Variants in HOOK2 observed in about 807,000 individuals in gnomAD.
HOOK2 encodes the protein protein Hook homolog 2.
Under a neutral mutation model 111.9 loss-of-function variants are expected in HOOK2, and 108 were observed. That is an observed-to-expected ratio of 0.96 (90% CI 0.83 to 1.13). The LOEUF (loss-of-function observed/expected upper bound fraction) is 1.13. HOOK2 is among the 50% of genes most tolerant of loss of function. The pLI is 0.00. For synonymous variants in HOOK2, 405 were observed against 394.3 expected, an observed-to-expected ratio of 1.03 and a Z score of -0.32; for missense variants, 978 against 951.3, an observed-to-expected ratio of 1.03 and a Z score of -0.37.
In HOOK2 at chr19:12,772,234, G is replaced by T; in HGVS notation, c.475C>A (p.Pro159Thr). 2 of 1,614,112 alleles carry T rather than the reference G, an allele frequency of 1.2e-6. No homozygotes were observed. The highest frequency in any genetic ancestry group is 1.7e-6 in the Non-Finnish European group (2 of 1,179,952). The change falls in exon 7 of 23, where the codon CCT becomes ACT. Residue 159 changes from proline to threonine, a missense_variant. By Grantham distance (38) the Pro-to-Thr change is conservative. Around this residue, in one of 5 missense-constraint regions of HOOK2, gnomAD observed 301 missense variants for 286.1 expected, o/e 1.05. Transcript: ENST00000397668. ...TACGTCTCTGGTGACAGGGAGTCAG[G>T]AGTGTCTTTGGTCATGAGCTGAGGA... The part of the protein sequence containing the change: ...AIQELMTKDT[P>T]DSLSPETYGN...
chr19:12,769,805 G>T, intron 11 of HOOK2, 76 bp downstream of exon 11: 2 of 1,205,074 alleles, frequency 1.7e-6, no homozygotes, highest in South Asian at 1.8e-5. Flanking sequence ...GATCAGGGGT[G>T]GGCGGAGGGC....
At chr19:12,792,219 A>C in intron 3 of HOOK2, 1 of 1,545,014 alleles carries the variant, frequency 6.5e-7, no homozygotes, top group Non-Finnish European at 8.8e-7. Flanking sequence ...GCACAAGATG[A>C]ACCACGTGAC....
chr19:12,764,800 C>T lies in HOOK2; in HGVS notation c.1827+14G>A. ...CCAGGGCAGGCAACTTGTGGGAACA[C>T]CCAGCGTCCTCACCATGCGGGCCTT... On this transcript the variant is annotated intron_variant, in intron 20 of 22. Transcript: ENST00000397668. 3 of 1,609,000 alleles carry T rather than the reference C, an allele frequency of 1.9e-6. No homozygotes were observed. In the South Asian group the frequency reaches 3.3e-5, roughly 18 times the overall value.
chr19:12,767,818 G>A lies in HOOK2; in HGVS notation c.1301C>T (p.Ala434Val). ...AQLQPRGLTQADPSLDPTSTP... is the reference protein window; with the variant it reads ...AQLQPRGLTQVDPSLDPTSTP... ...CCCGGGATGGGGCTTCATCTCACCG[G>A]CCTGGGTCAACCCCCGCGGCTGCAG... is the stretch of plus-strand genomic sequence containing the variant. The change falls in exon 13 of 23, where the codon GCC becomes GTC. Residue 434 changes from alanine to valine, a missense_variant and splice_region_variant. Ala to Val is a moderately conservative substitution (Grantham distance 64). Coordinates refer to ENST00000397668, the MANE Select transcript of HOOK2 (RefSeq NM_013312.3). 1 of 1,601,648 alleles carries A rather than the reference G, an allele frequency of 6.2e-7. No homozygotes were observed. The highest frequency in any genetic ancestry group is 1.3e-5 in the African/African-American group (1 of 74,978).
chr19:12,775,873 C>CTTTTTTTTT (rs775787302), upstream of HOOK2, among the ~76,000 whole-genome samples: 96 of 103,828 alleles, frequency 9.2e-4, 6 homozygotes, highest in African/African-American at 3.9e-3. Flanking sequence ...TAAGTAAATT[C>CTTTTTTTTT]TTTTTTTTTT....
intron 3 of HOOK2, 190 bp from the exon 4 acceptor site, chr19:12,773,234 T>A: frequency 1.5e-4 from 24 of 158,112 alleles, no homozygotes; most frequent in East Asian, 2.4e-4. Context: ...TTTGTTTCTT[T>A]TTTTTTTTTT....
Position 12,767,837 on chromosome 19 carries a change from G to A in HOOK2, c.1282C>T (p.Pro428Ser). Residue 428 changes from proline to serine, a missense_variant, in exon 13 of 23, where the codon CCG (proline) becomes TCG (serine). Pro to Ser is a moderately conservative substitution (Grantham distance 74, BLOSUM62 -1). Around this residue, in one of 5 missense-constraint regions of HOOK2, gnomAD observed 388 missense variants for 358.3 expected, o/e 1.08. Transcript: ENST00000397668. ...NEELRCAQLQ[P>S]RGLTQADPSL... Reference sequence around the variant, plus strand: ...TCACCGGCCTGGGTCAACCCCCGCGGCTGCAGCTGGGCGCAGCGCAGCTCC... The same window carrying A: ...TCACCGGCCTGGGTCAACCCCCGCGACTGCAGCTGGGCGCAGCGCAGCTCC... 3 of 1,604,142 alleles carry A rather than the reference G, an allele frequency of 1.9e-6. No homozygotes were observed. Among genetic ancestry groups the A allele is most frequent in the Non-Finnish European group, 2.5e-6 (3 of 1,179,874 alleles).
chr19:12,780,135 G>A (rs1968584627), upstream of HOOK2, among the ~76,000 whole-genome samples: 1 of 152,050 alleles, frequency 6.6e-6, no homozygotes, highest in Admixed American at 6.6e-5. Flanking sequence ...AGGTAACAAA[G>A]CAAGACTCCA....
At position 12,786,714 on chromosome 19, in the gene HOOK2, C is replaced by G. The variant is rs1001920485; in HGVS notation, n.42-12489G>C. Reference sequence around the variant, plus strand: ...GGCAGAGGCCTGGAACCGGCTGTACCAGCTTGGCTGGGCCCCCGCCCTCCC... The same window carrying G: ...GGCAGAGGCCTGGAACCGGCTGTACGAGCTTGGCTGGGCCCCCGCCCTCCC... On this transcript the variant is annotated intron_variant and non_coding_transcript_variant, in intron 3 of 3. Transcript: ENST00000589765. The surrounding 1 kb of genome is among the most constrained non-coding windows in gnomAD (Gnocchi z 4.3). Among the ~76,000 whole-genome samples, 1 of 152,212 alleles carries G rather than the reference C, an allele frequency of 6.6e-6. No homozygotes were observed. The highest frequency in any genetic ancestry group is 1.5e-5 in the Non-Finnish European group (1 of 68,026).
chr19:12,776,455 G>A (rs1968513527), upstream of HOOK2, among the ~76,000 whole-genome samples: 2 of 151,756 alleles, frequency 1.3e-5, no homozygotes, highest in Non-Finnish European at 2.9e-5. Context: ...GCCGAGGCGG[G>A]CGGATCACGA....
intron 3 of HOOK2, chr19:12,792,305 A>C (rs753128221): frequency 6.7e-7 from 1 of 1,501,890 alleles, no homozygotes; most frequent in Admixed American, 2.4e-5. Context: ...GCCCGGAGCC[A>C]CCTCCCGTTT....
chr19:12,775,905 G>T (rs1347438448), upstream of HOOK2, among the ~76,000 whole-genome samples: 4 of 123,076 alleles, frequency 3.3e-5, no homozygotes, highest in African/African-American at 1.2e-4. Flanking sequence ...TTGAGACGGA[G>T]TCTCGCTGTC....
chr19:12,764,730 G>A (rs1488644235), intron 20 of HOOK2, 84 bp downstream of exon 20: 5 of 1,133,944 alleles, frequency 4.4e-6, no homozygotes, highest in Admixed American at 3.6e-5. Context: ...GCACAGATGT[G>A]CAAGCAGGAG....
chr19:12,772,375 A>C (rs1275161142), intron 6 of HOOK2, 123 bp from the exon 7 acceptor site: 24 of 1,178,222 alleles, frequency 2.0e-5, no homozygotes, highest in Non-Finnish European at 3.0e-5. Context: ...CAATAACCCC[A>C]GCCCAGAGGC....
At chr19:12,772,141 G>A in intron 7 of HOOK2, 49 bp downstream of exon 7, 1 of 1,401,964 alleles carries the variant, frequency 7.1e-7, no homozygotes, top group Non-Finnish European at 1.0e-6. Flanking sequence ...CCCGGCCTTT[G>A]GATTTGCTGA....
upstream of HOOK2, among the ~76,000 whole-genome samples, chr19:12,780,010 C>T (rs140943325): frequency 5.3e-4 from 81 of 152,148 alleles, 1 homozygote; most frequent in East Asian, 0.015. Context: ...ATCAGCCAGG[C>T]GTGGTGGTGA....
At position 12,770,068 on chromosome 19, in the gene HOOK2, C is replaced by G; in HGVS notation, c.917G>C (p.Arg306Pro). ...EMDELRQSSERAGQLEATLTS... is the reference protein window; with the variant it reads ...EMDELRQSSEPAGQLEATLTS... ...CAGCGTGGCCTCCAGCTGCCCAGCA[C>G]GCTCCGAAGACTGCCTAGGGGAGTG... The change falls in exon 11 of 23, where the codon CGT becomes CCT. Residue 306 changes from arginine to proline, a missense_variant. Coordinates refer to ENST00000397668, the MANE Select transcript of HOOK2 (RefSeq NM_013312.3). 3.3e-6 allele frequency: 5 copies of G among 1,522,704 alleles called. No homozygotes were observed. The highest frequency in any genetic ancestry group is 1.7e-4 in the Middle Eastern group (1 of 5,928). The allele number at this position is 1,522,704 out of a possible 1,614,324, so 94.3% of individuals were successfully genotyped here.
chr19:12,782,725 G>C (rs973675971), upstream of HOOK2, among the ~76,000 whole-genome samples: 1 of 152,198 alleles, frequency 6.6e-6, no homozygotes, highest in Non-Finnish European at 1.5e-5. Context: ...GCCCCGGCCG[G>C]GACCTTGGGG....
chr19:12,784,671 G>A (rs1968639501), intron 3 of HOOK2: 1 of 152,272 alleles, frequency 6.6e-6, no homozygotes, highest in African/African-American at 2.4e-5. Context: ...CAGGCAACAT[G>A]TGCATGCTGA....
Sources: allele counts gnomAD v4.1 joint callset (sites outside exome capture counted in the v4.1 genomes callset), GRCh38; gene constraint gnomAD v4.1.1; regional missense constraint gnomAD v4.1.1; non-coding constraint Gnocchi (gnomAD v3.1); transcripts MANE v1.5; gene names NCBI Gene and HGNC (gene_info 2026-07-23, HGNC 2026-07-21).